The following RNF2 variants were observed in gnomAD, a reference collection of about 807,000 sequenced individuals.
The protein encoded by RNF2 is ring finger protein 2.
Under a neutral mutation model 37.2 loss-of-function variants are expected in RNF2, and 6 were observed. The ratio of observed to expected loss-of-function variants is 0.16; its 90% CI spans 0.09 to 0.32. The LOEUF is 0.32. Ranked by LOEUF, RNF2 falls within the 10% of genes least tolerant of loss-of-function variation. The pLI is 1.00. For missense variants in RNF2, 251 were observed against 404.0 expected (o/e 0.62, Z 3.25); for synonymous variants, 133 against 132.7 (o/e 1.00, Z -0.02).
chr1:185,059,701 C>G (rs192574744), intron 1 of RNF2, among the ~76,000 whole-genome samples: 16 of 152,224 alleles, frequency 1.1e-4, no homozygotes, highest in Middle Eastern at 3.4e-3. Flanking sequence ...TGAGTCTTGC[C>G]TCTGACATTT....
At chr1:185,068,181 T>C (rs972933542) in intron 1 of RNF2, among the ~76,000 whole-genome samples, 3 of 152,128 alleles carry the variant, frequency 2.0e-5, no homozygotes, top group Admixed American at 2.0e-4. Flanking sequence ...AAAAACAAAT[T>C]AAGGAAACAG....
chr1:185,054,619 A>G (rs868422735), intron 1 of RNF2, among the ~76,000 whole-genome samples: 18 of 152,156 alleles, frequency 1.2e-4, no homozygotes, highest in African/African-American at 4.1e-4. Flanking sequence ...CGGGGCCTGA[A>G]TTCCTAAATA....
At chr1:185,052,442 T>C (rs1650299169) in intron 1 of RNF2, among the ~76,000 whole-genome samples, 2 of 152,366 alleles carry the variant, frequency 1.3e-5, no homozygotes, top group Admixed American at 6.5e-5. Context: ...CTTGAAAATA[T>C]GCCAAGTGAA....
At chr1:185,077,708 T>C (rs1651216490) in intron 1 of RNF2, among the ~76,000 whole-genome samples, 1 of 148,016 alleles carries the variant, frequency 6.8e-6, no homozygotes, top group Admixed American at 6.8e-5. Context: ...CAAATCTGTT[T>C]TGTTTTGTTT....
chr1:185,049,096 C>T (rs765183115), intron 1 of RNF2, among the ~76,000 whole-genome samples: 4 of 152,044 alleles, frequency 2.6e-5, no homozygotes, highest in Admixed American at 6.6e-5. Flanking sequence ...CATAGTGGCG[C>T]GCGCCTGTAA....
chr1:185,077,625 G>GTTTTTTTTTTTTTTTTTTTTTTTTTTT (rs528747420), intron 1 of RNF2, among the ~76,000 whole-genome samples: 1 of 115,694 alleles, frequency 8.6e-6, no homozygotes, highest in African/African-American at 3.3e-5. Context: ...AATTAACTTT[G>GTTTTTTTTTTTTTTTTTTTTTTTTTTT]TTTTTTTTTT....
chr1:185,077,988 G>A (rs1651228378), intron 1 of RNF2, among the ~76,000 whole-genome samples: 1 of 152,210 alleles, frequency 6.6e-6, no homozygotes, highest in Admixed American at 6.5e-5. Context: ...GCTCACGCCT[G>A]TAATCCCAGC....
intron 1 of RNF2, chr1:185,071,931 A>G (rs904021595): frequency 1.3e-5 from 2 of 152,330 alleles, no homozygotes. Flanking sequence ...TCCTCATGAC[A>G]TTGGTGAAGA....
intron 2 of RNF2, 64 bp from the exon 3 acceptor site, chr1:185,091,515 A>G (rs1266136998): frequency 1.6e-5 from 24 of 1,487,824 alleles, no homozygotes; most frequent in Non-Finnish European, 2.0e-5. Flanking sequence ...GTACTTTTAT[A>G]TGTTTGAGCT....
At chr1:185,069,901 C>T (rs897954573) in intron 1 of RNF2, among the ~76,000 whole-genome samples, 10 of 152,056 alleles carry the variant, frequency 6.6e-5, no homozygotes, top group Admixed American at 1.3e-4. Flanking sequence ...AAATTTTGTT[C>T]GTTATAGAAT....
intron 1 of RNF2, among the ~76,000 whole-genome samples, chr1:185,086,522 G>GA (rs1310526187): frequency 6.6e-6 from 1 of 152,172 alleles, no homozygotes; most frequent in African/African-American, 2.4e-5. Flanking sequence ...GTCAAATGGG[G>GA]AACAATAGGA....
At chr1:185,098,757 C>CTT (rs111908854) in intron 5 of RNF2, among the ~76,000 whole-genome samples, 2 of 146,610 alleles carry the variant, frequency 1.4e-5, no homozygotes, top group Non-Finnish European at 1.5e-5. Flanking sequence ...CTCAAATTAA[C>CTT]TTTTTTTTTT....
In RNF2 at chr1:185,045,636, T is replaced by C. The variant is rs1371047182; in HGVS notation, c.-16T>C. ...GGCCGCGGCCAGCGGAGCCCTGGGC[T>C]GGGGCAGGAGCCGGTGAGTGGGGCG... On this transcript the variant is annotated 5_prime_UTR_variant, in exon 1 of 7. Transcript: ENST00000367510. 3 of 151,304 alleles carry C rather than the reference T, an allele frequency of 2.0e-5. No homozygotes were observed. The highest frequency in any genetic ancestry group is 4.4e-5 in the Non-Finnish European group (3 of 67,876). The allele number at this position is 151,304 out of a possible 1,614,324, so 9.4% of individuals were successfully genotyped here. A position where few individuals can be genotyped will look rare whatever the true frequency, so the allele number is the denominator to read the frequency against.
At chr1:185,091,106 G>A (rs565336075) in intron 2 of RNF2, among the ~76,000 whole-genome samples, 1 of 152,162 alleles carries the variant, frequency 6.6e-6, no homozygotes, top group East Asian at 1.9e-4. Context: ...TGTTTTAATG[G>A]GCAGCATGAA....
At chr1:185,085,889 T>C (rs1390355817) in intron 1 of RNF2, among the ~76,000 whole-genome samples, 1 of 152,102 alleles carries the variant, frequency 6.6e-6, no homozygotes, top group African/African-American at 2.4e-5. Context: ...TCACCTCAGG[T>C]GATCTGCCTG....
At chr1:185,049,228 G>A (rs934622265) in intron 1 of RNF2, among the ~76,000 whole-genome samples, 7 of 152,018 alleles carry the variant, frequency 4.6e-5, no homozygotes, top group Admixed American at 3.3e-4. Context: ...AAAAAAATCA[G>A]GATCTCATGC....
chr1:185,071,935 G>A (rs534166092), intron 1 of RNF2: 2 of 152,480 alleles, frequency 1.3e-5, no homozygotes, highest in African/African-American at 4.8e-5. Flanking sequence ...CATGACATTG[G>A]TGAAGAAATG....
At position 185,085,267 on chromosome 1, in the gene RNF2, G is replaced by A. The variant is rs1325332648; in HGVS notation, c.-2-2285G>A. Among the ~76,000 whole-genome samples the A allele has an allele frequency of 2.8e-5, 4 of 144,286 alleles. No individual in the cohort carries two copies. In the East Asian group the frequency reaches 8.5e-4, roughly 31 times the overall value. The allele number at this position is 144,286 out of a possible 152,430, so 94.7% of individuals were successfully genotyped here. ...GGGTTCATGCTATTCTCCTGCCTCA[G>A]CCTCCCCAATAACTGGGACTACAGG... On this transcript the variant is annotated intron_variant, in intron 1 of 6. Transcript: ENST00000367510.
intron 1 of RNF2, chr1:185,046,402 A>C (rs3766723): frequency 0.11 from 17,277 of 152,046 alleles, 1,347 homozygotes; most frequent in East Asian, 0.26. Flanking sequence ...GCTAGTACCC[A>C]CTTTTGCCGG....
Sources: gnomAD v4.1 joint callset for allele counts (sites outside exome capture counted in the v4.1 genomes callset) on GRCh38, gnomAD v4.1.1 for gene constraint, MANE v1.5 for transcripts, NCBI Gene and HGNC (gene_info 2026-07-23, HGNC 2026-07-21) for gene names.